Variants in FAT3 observed in about 807,000 individuals in gnomAD.
FAT3 encodes FAT atypical cadherin 3, also known as protocadherin Fat 3.
FAT3 carries 95 observed loss-of-function variants against 310.2 expected under a neutral mutation model. The observed-to-expected ratio is 0.31, with a 90% CI of 0.26 to 0.36. The LOEUF (loss-of-function observed/expected upper bound fraction) is 0.36. Ranked by LOEUF, FAT3 falls within the 10% of genes least tolerant of loss-of-function variation. The probability of loss-of-function intolerance (pLI) is 1.00; values close to 1 mark genes in which losing one functional copy is unlikely to be tolerated. For missense variants in FAT3, 5,408 were observed against 5,715.6 expected (o/e 0.95, Z 1.74); for synonymous variants, 2,314 against 2,192.9 (o/e 1.06, Z -1.54).
chr11:92,679,192 G>A (rs1026538022), intron 3 of FAT3, among the ~76,000 whole-genome samples: 12 of 151,820 alleles, frequency 7.9e-5, no homozygotes, highest in Admixed American at 6.6e-5. Flanking sequence ...TCATACATTC[G>A]TCTGTTGATT....
intron 4 of FAT3, among the ~76,000 whole-genome samples, chr11:92,750,137 G>A (rs1945790422): frequency 6.6e-6 from 1 of 152,132 alleles, no homozygotes; most frequent in South Asian, 2.1e-4. Context: ...TAGTTTAAAA[G>A]ACTTCATCTT....
chr11:92,454,390 G>C (rs369367852), intron 2 of FAT3, among the ~76,000 whole-genome samples: 16 of 152,280 alleles, frequency 1.1e-4, no homozygotes, highest in African/African-American at 3.8e-4. Context: ...AGTGCAACCA[G>C]CCTGATCTGG....
intron 2 of FAT3, among the ~76,000 whole-genome samples, chr11:92,442,111 A>ATTT (rs869097021): frequency 1.8e-4 from 8 of 45,218 alleles, no homozygotes; most frequent in African/African-American, 7.3e-4. Context: ...ATATATATAT[A>ATTT]TTTTTTTTTT....
intron 13 of FAT3, 119 bp downstream of exon 13, chr11:92,810,195 T>G (rs985551873): frequency 1.2e-6 from 1 of 864,888 alleles, no homozygotes; most frequent in Non-Finnish European, 1.8e-6. Flanking sequence ...CACGAGAACA[T>G]GTACATTAAA....
At chr11:92,451,205 C>A (rs1012765618) in intron 2 of FAT3, among the ~76,000 whole-genome samples, 1 of 152,128 alleles carries the variant, frequency 6.6e-6, no homozygotes, top group Non-Finnish European at 1.5e-5. Flanking sequence ...TACCCACTCG[C>A]CTTGTGTGGT....
At chr11:92,257,672 G>A (rs1222538267) in intron 1 of FAT3, among the ~76,000 whole-genome samples, 2 of 152,114 alleles carry the variant, frequency 1.3e-5, no homozygotes, top group African/African-American at 4.8e-5. Flanking sequence ...TGGAAGAGAA[G>A]AAATCAGACT....
intron 3 of FAT3, among the ~76,000 whole-genome samples, chr11:92,656,022 A>T (rs1369720008): frequency 6.6e-6 from 1 of 152,146 alleles, no homozygotes; most frequent in Non-Finnish European, 1.5e-5. Flanking sequence ...AACAAGAGGG[A>T]TGGGGCTGTG....
chr11:92,857,192 G>C, intron 19 of FAT3, 22 bp from the exon 20 acceptor site: 1 of 1,613,726 alleles, frequency 6.2e-7, no homozygotes, highest in Non-Finnish European at 8.5e-7. Flanking sequence ...TACTGATCAT[G>C]CATATTCCAC....
intron 1 of FAT3, chr11:92,336,497 G>T (rs1948087904): frequency 3.6e-6 from 1 of 276,294 alleles, no homozygotes; most frequent in South Asian, 4.1e-5. Flanking sequence ...CAACTGCCAT[G>T]ACAGATAGTC....
rs748507303 is a variant in FAT3, at chr11:92,890,670, G to C, written c.13327G>C (p.Glu4443Gln). 8 of 1,613,658 alleles carry C rather than the reference G, an allele frequency of 5.0e-6. No homozygotes were observed. The highest frequency in any genetic ancestry group is 3.3e-4 in the Middle Eastern group (2 of 6,082). The change falls in exon 28 of 28, where the codon GAG becomes CAG. Residue 4443 changes from glutamate to glutamine, a missense_variant. By Grantham distance (29) the Glu-to-Gln change is conservative. Around this residue, in one of 5 missense-constraint regions of FAT3, gnomAD observed 649 missense variants for 666.2 expected, o/e 0.97. Coordinates refer to ENST00000525166, the MANE Select transcript of FAT3 (RefSeq NM_001367949.2). ...CAGTGAATACCCACCCCCTCATGAA[G>C]AGGAGTTCTTGAGTCAGGACCAGCT... Reference protein sequence around the residue: ...IDSEYPPPHEEEFLSQDQLPP... With the variant: ...IDSEYPPPHEQEFLSQDQLPP...
chr11:92,599,358 C>A (rs1385114930), intron 3 of FAT3, among the ~76,000 whole-genome samples: 4 of 152,112 alleles, frequency 2.6e-5, no homozygotes, highest in African/African-American at 9.7e-5. Context: ...ATAAAACCAC[C>A]AGATCTTGGG....
intron 1 of FAT3, among the ~76,000 whole-genome samples, chr11:92,227,679 T>G (rs1403518317): frequency 1.3e-5 from 2 of 151,716 alleles, no homozygotes; most frequent in East Asian, 3.9e-4. Context: ...AGAAGAGATT[T>G]GAGAGACTGA....
chr11:92,831,744 A>G lies in FAT3; in HGVS notation c.9604A>G (p.Asn3202Asp), dbSNP rs752558272. 3.7e-5 allele frequency: 60 copies of G among 1,613,422 alleles called. No homozygotes were observed. The highest frequency in any genetic ancestry group is 4.4e-5 in the Non-Finnish European group (52 of 1,179,766). The change falls in exon 14 of 28, where the codon AAC (asparagine) becomes GAC (aspartate). Residue 3202 changes from asparagine (N) to aspartate (D), a missense_variant. Physicochemically the swap from Asn to Asp is conservative, Grantham distance 23. Transcript: ENST00000525166. ...GGACCGTGAGCAGCAGTCTTCGTAC[A>G]ACATCAGCGTGCGGGCCACTGACCA... ...PLDREQQSSY[N>D]ISVRATDQSP... is the part of the protein sequence containing the mutation.
At chr11:92,743,100 T>G (rs1385523526) in intron 4 of FAT3, among the ~76,000 whole-genome samples, 1 of 152,212 alleles carries the variant, frequency 6.6e-6, no homozygotes, top group Non-Finnish European at 1.5e-5. Flanking sequence ...CAAATATGTT[T>G]CGGAAACACT....
Position 92,531,761 on chromosome 11 carries a change from AT to A in FAT3, c.3607+6823del, listed in dbSNP as rs201746459. On this transcript the variant is annotated intron_variant, in intron 3 of 27. Coordinates refer to ENST00000525166, the MANE Select transcript of FAT3 (RefSeq NM_001367949.2). ...ACTCGCTCTGCCTTCATATAGCTTC[AT>A]TTTTTTTTTCATATACTTATTGTGA... Among the ~76,000 whole-genome samples, 710 of 146,618 alleles carry A rather than the reference AT, an allele frequency of 4.8e-3. 5 individuals are homozygous for A. Among genetic ancestry groups the A allele is most frequent in the East Asian group, 0.024 (122 of 4,982 alleles).
chr11:92,525,654 T>G (rs1953837345), intron 3 of FAT3, among the ~76,000 whole-genome samples: 1 of 149,698 alleles, frequency 6.7e-6, no homozygotes, highest in Admixed American at 6.8e-5. Flanking sequence ...GTGATTTGCC[T>G]CTTTTAGGTC....
intron 2 of FAT3, among the ~76,000 whole-genome samples, chr11:92,412,094 A>G (rs1253216989): frequency 6.6e-6 from 1 of 151,662 alleles, no homozygotes; most frequent in Non-Finnish European, 1.5e-5. Flanking sequence ...TATCCCCCAC[A>G]TGTTATTATT....
At chr11:92,745,770 C>A (rs1053788940) in intron 4 of FAT3, among the ~76,000 whole-genome samples, 1 of 152,098 alleles carries the variant, frequency 6.6e-6, no homozygotes, top group East Asian at 1.9e-4. Flanking sequence ...GAAAAGATAC[C>A]TTCATTGTCC....
At chr11:92,263,339 CCA>C (rs550838663) in intron 1 of FAT3, among the ~76,000 whole-genome samples, 2 of 151,286 alleles carry the variant, frequency 1.3e-5, no homozygotes, top group African/African-American at 4.9e-5. Context: ...CACACACACA[CCA>C]CACACACACA....
Sources: gnomAD v4.1 joint callset for allele counts (sites outside exome capture counted in the v4.1 genomes callset) on GRCh38, gnomAD v4.1.1 for gene constraint, gnomAD v4.1.1 regional missense constraint, MANE v1.5 for transcripts, NCBI Gene and HGNC (gene_info 2026-07-23, HGNC 2026-07-21) for gene names.